The following PDZK1IP1 variants were observed in gnomAD, a reference collection of about 807,000 sequenced individuals.
The protein encoded by PDZK1IP1 is PDZK1-interacting protein 1.
A neutral mutation model predicts 14.7 loss-of-function variants in PDZK1IP1; 9 were observed. The observed-to-expected ratio is 0.61, with a 90% confidence interval of 0.37 to 1.07. PDZK1IP1 has a LOEUF of 1.07. Ranked by LOEUF, PDZK1IP1 falls within the 50% of genes least tolerant of loss-of-function variation. The pLI is 0.01. For synonymous variants in PDZK1IP1, 70 were observed against 61.2 expected, an observed-to-expected ratio of 1.14 and a Z score of -0.67; for missense variants, 152 against 148.7, an observed-to-expected ratio of 1.02 and a Z score of -0.11.
Position 47,183,871 on chromosome 1 carries a change from C to T in PDZK1IP1, c.*100G>A. On this transcript the variant is annotated 3_prime_UTR_variant, in exon 4 of 4. Transcript: ENST00000294338. ...CATGGGGCTGGAGGGAGTCAGCCCA[C>T]TATTGCAGATTCCACACAAAGAAGG... is the stretch of plus-strand genomic sequence containing the variant. The T allele has an allele frequency of 9.9e-7, 1 of 1,013,244 alleles. No individual in the cohort carries two copies. The highest frequency in any genetic ancestry group is 1.5e-6 in the Non-Finnish European group (1 of 662,446). The allele number at this position is 1,013,244 out of a possible 1,614,324, so 62.8% of individuals were successfully genotyped here. A position where few individuals can be genotyped will look rare whatever the true frequency, so the allele number is the denominator to read the frequency against.
Position 47,184,070 on chromosome 1 carries a change from G to A in PDZK1IP1, c.273-27C>T, listed in dbSNP as rs184154071. On this transcript the variant is annotated intron_variant, in intron 3 of 3. Transcript: ENST00000294338. Reference sequence around the variant, plus strand: ...TGAAAGAAGAAGGCATGGGCCTGATGGGTCATCGCTCCTCCCATTCTATCC... The same window carrying A: ...TGAAAGAAGAAGGCATGGGCCTGATAGGTCATCGCTCCTCCCATTCTATCC... 7.7e-4 allele frequency: 1,178 copies of A among 1,525,282 alleles called. 1 individual carries two copies. Among genetic ancestry groups the A allele is most frequent in the Non-Finnish European group, 9.0e-4 (1,008 of 1,115,850 alleles). The allele number at this position is 1,525,282 out of a possible 1,614,324, so 94.5% of individuals were successfully genotyped here.
At position 47,189,965 on chromosome 1, in the gene PDZK1IP1, G is replaced by T; in HGVS notation, c.-33C>A. 1 of 1,532,912 alleles carries T rather than the reference G, an allele frequency of 6.5e-7. No individual in the cohort carries two copies. The highest frequency in any genetic ancestry group is 8.7e-7 in the Non-Finnish European group (1 of 1,144,018). The allele number at this position is 1,532,912 out of a possible 1,614,324, so 95.0% of individuals were successfully genotyped here. ...GCAGCTCCTAGCCTTGCTTCTGGCC[G>T]CCGGTGTCTGGGCTCCTGGAGCTGC... On this transcript the variant is annotated 5_prime_UTR_variant, in exon 1 of 4. Transcript: ENST00000294338.
Position 47,183,911 on chromosome 1 carries a change from G to A in PDZK1IP1, c.*60C>T. On this transcript the variant is annotated 3_prime_UTR_variant, in exon 4 of 4. Transcript: ENST00000294338. ...CACAAAGAAGGAGGGGGCTTGGGTG[G>A]TAGCACTGGACATCCATCCCATGTG... is the stretch of plus-strand genomic sequence containing the variant. 3 of 1,353,334 alleles carry A rather than the reference G, an allele frequency of 2.2e-6. No homozygotes were observed. The highest frequency in any genetic ancestry group is 3.1e-6 in the Non-Finnish European group (3 of 963,296). The allele number at this position is 1,353,334 out of a possible 1,614,324, so 83.8% of individuals were successfully genotyped here.
Position 47,185,092 on chromosome 1 carries a change from G to A in PDZK1IP1, c.182C>T (p.Pro61Leu), listed in dbSNP as rs767762272. ...NHFWCQEEPE[P>L]AHMILTVGNK... ...TCCGACGGTCAGGATCATGTGTGCA[G>A]GCTCCCTGGGGATGGGATTCATCAG... Residue 61 changes from proline (P) to leucine (L), a missense_variant, in exon 3 of 4, where the codon CCT (proline) becomes CTT (leucine). Transcript: ENST00000294338. 1.2e-6 allele frequency: 2 copies of A among 1,612,758 alleles called. No individual in the cohort carries two copies. The highest frequency in any genetic ancestry group is 2.2e-5 in the East Asian group (1 of 44,866).
At chr1:47,185,729 C>T (rs1645315237) in intron 2 of PDZK1IP1, among the ~76,000 whole-genome samples, 1 of 152,110 alleles carries the variant, frequency 6.6e-6, no homozygotes, top group African/African-American at 2.4e-5. Flanking sequence ...AGTGATCCGC[C>T]ATGAGAAACT....
chr1:47,183,750 T>A lies in PDZK1IP1; in HGVS notation c.*221A>T. ...TCCTCTCCAGAAGGCTCTTCTGAGCTGAGCAGGAGACCCCAGGGCCACAGC... is the reference window on the plus strand; with the variant it reads ...TCCTCTCCAGAAGGCTCTTCTGAGCAGAGCAGGAGACCCCAGGGCCACAGC... On this transcript the variant is annotated 3_prime_UTR_variant, in exon 4 of 4. Transcript: ENST00000294338. The A allele has an allele frequency of 1.7e-6, 1 of 593,712 alleles. No homozygotes were observed. The highest frequency in any genetic ancestry group is 3.0e-6 in the Non-Finnish European group (1 of 333,180). 36.8% of individuals were successfully genotyped at this position (593,712 alleles called of 1,614,324 possible).
chr1:47,185,507 C>T (rs72894592), intron 2 of PDZK1IP1, among the ~76,000 whole-genome samples: 8,384 of 152,182 alleles, frequency 0.055, 787 homozygotes, highest in African/African-American at 0.19. Context: ...CATTCAACAA[C>T]AACCTTCTCG....
Position 47,183,858 on chromosome 1 carries a change from G to T in PDZK1IP1, c.*113C>A, listed in dbSNP as rs780411412. ...CGGGTAGGGCCGGCATGGGGCTGGA[G>T]GGAGTCAGCCCACTATTGCAGATTC... On this transcript the variant is annotated 3_prime_UTR_variant, in exon 4 of 4. Transcript: ENST00000294338. 11 of 891,600 alleles carry T rather than the reference G, an allele frequency of 1.2e-5. No individual in the cohort carries two copies. The highest frequency in any genetic ancestry group is 1.4e-5 in the Non-Finnish European group (8 of 557,904). 55.2% of individuals were successfully genotyped at this position (891,600 alleles called of 1,614,324 possible).
chr1:47,188,305 C>G (rs1324401914), intron 1 of PDZK1IP1, among the ~76,000 whole-genome samples: 2 of 152,222 alleles, frequency 1.3e-5, no homozygotes, highest in Non-Finnish European at 2.9e-5. Flanking sequence ...TGCACCAGGT[C>G]CCTTCTCTGC....
Position 47,185,019 on chromosome 1 carries a change from C to A in PDZK1IP1, c.255G>T (p.Ser85=), listed in dbSNP as rs1156931443. The change falls in exon 3 of 4, where the codon TCG becomes TCT. Residue 85 remains serine (S), a synonymous_variant. Coordinates refer to ENST00000294338, the MANE Select transcript of PDZK1IP1 (RefSeq NM_005764.4). ...VLVGTDGRYS[S]MAASFRSSEH... Reference sequence around the variant, plus strand: ...CACCTCACCTGAAACTGGCCGCCATCGAAGAGTACCTTCCATCTGTTCCCA... The same window carrying A: ...CACCTCACCTGAAACTGGCCGCCATAGAAGAGTACCTTCCATCTGTTCCCA... 6.2e-7 allele frequency: 1 copy of A among 1,613,230 alleles called. No individual in the cohort carries two copies. The highest frequency in any genetic ancestry group is 8.5e-7 in the Non-Finnish European group (1 of 1,179,786).
At position 47,189,902 on chromosome 1, in the gene PDZK1IP1, G is replaced by C. The variant is rs1323840471; in HGVS notation, c.31C>G (p.Leu11Val). The C allele has an allele frequency of 6.3e-7, 1 of 1,597,034 alleles. No individual in the cohort carries two copies. Among genetic ancestry groups the C allele is most frequent in the South Asian group, 1.1e-5 (1 of 90,242 alleles). ...CTGGCAGGTGGCACTGCCGTGAGCA[G>C]GCCCAGAATGAGGAGGCTGAGGGCC... Reference protein sequence around the residue: MSALSLLILGLLTAVPPASCQ... With the variant: MSALSLLILGVLTAVPPASCQ... Residue 11 changes from leucine to valine, a missense_variant, in exon 1 of 4, where the codon CTG becomes GTG. By Grantham distance (32) the Leu-to-Val change is conservative (BLOSUM62 1). Coordinates refer to ENST00000294338, the MANE Select transcript of PDZK1IP1 (RefSeq NM_005764.4).
chr1:47,183,956 G>A lies in PDZK1IP1; in HGVS notation c.*15C>T. On this transcript the variant is annotated 3_prime_UTR_variant, in exon 4 of 4. Transcript: ENST00000294338. ...CATGTGCCTGGGAGTCTTGGGGTTG[G>A]AGCCACAGAGAAGGTTACATCGGGG... The A allele has an allele frequency of 1.3e-6, 2 of 1,585,744 alleles. No individual in the cohort carries two copies. The highest frequency in any genetic ancestry group is 1.8e-5 in the Admixed American group (1 of 56,470).
chr1:47,187,501 C>T (rs1645327624), intron 1 of PDZK1IP1, 74 bp from the exon 2 acceptor site: 1 of 1,194,996 alleles, frequency 8.4e-7, no homozygotes, highest in Admixed American at 1.9e-5. Context: ...AGGGGCCTCA[C>T]TCTTCAAGGA....
chr1:47,184,062 G>T lies in PDZK1IP1; in HGVS notation c.273-19C>A. ...ACTGGACCTGAAAGAAGAAGGCATGGGCCTGATGGGTCATCGCTCCTCCCA... is the reference window on the plus strand; with the variant it reads ...ACTGGACCTGAAAGAAGAAGGCATGTGCCTGATGGGTCATCGCTCCTCCCA... On this transcript the variant is annotated intron_variant, in intron 3 of 3. Transcript: ENST00000294338. 1 of 1,559,436 alleles carries T rather than the reference G, an allele frequency of 6.4e-7. No homozygotes were observed. Among genetic ancestry groups the T allele is most frequent in the Non-Finnish European group, 8.7e-7 (1 of 1,144,548 alleles).
At chr1:47,185,832 C>T (rs939123123) in intron 2 of PDZK1IP1, among the ~76,000 whole-genome samples, 1 of 152,032 alleles carries the variant, frequency 6.6e-6, no homozygotes, top group Non-Finnish European at 1.5e-5. Context: ...CGCTCAGACT[C>T]GTCTCTTCAC....
chr1:47,187,236 G>A, intron 2 of PDZK1IP1, 83 bp downstream of exon 2: 1 of 926,312 alleles, frequency 1.1e-6, no homozygotes, highest in African/African-American at 1.6e-5. Flanking sequence ...CAGGGTTTCT[G>A]AGGCCCTTCT....
chr1:47,187,053 C>A (rs1014584139), intron 2 of PDZK1IP1, among the ~76,000 whole-genome samples: 5 of 152,202 alleles, frequency 3.3e-5, no homozygotes, highest in Non-Finnish European at 7.3e-5. Context: ...GAAGCGAAGC[C>A]GTTTCCCCAA....
At chr1:47,187,865 A>C (rs1288754219) in intron 1 of PDZK1IP1, among the ~76,000 whole-genome samples, 2 of 152,202 alleles carry the variant, frequency 1.3e-5, no homozygotes, top group Non-Finnish European at 2.9e-5. Flanking sequence ...CACAGCTGAC[A>C]AGACTGGTCT....
chr1:47,184,547 C>A (rs1569851474), intron 3 of PDZK1IP1, among the ~76,000 whole-genome samples: 3 of 4,816 alleles, frequency 6.2e-4, no homozygotes, highest in East Asian at 8.9e-3. Context: ...CCCCACTGAG[C>A]TCCATCCCCC....
Sources: allele counts gnomAD v4.1 joint callset (sites outside exome capture counted in the v4.1 genomes callset), GRCh38; gene constraint gnomAD v4.1.1; transcripts MANE v1.5; gene names NCBI Gene and HGNC (gene_info 2026-07-23, HGNC 2026-07-21).